GRID2: variants seen among roughly 807,000 people sequenced by gnomAD.
The protein encoded by GRID2 is glutamate receptor ionotropic, delta-2.
In GRID2, 33 loss-of-function variants were observed where a neutral mutation model predicts 114.8. That is an observed-to-expected ratio of 0.29 (90% CI 0.22 to 0.38). The LOEUF is 0.38. Among genes scored for constraint, GRID2 ranks in the 10% least tolerant of loss-of-function variants. The pLI is 1.00. For synonymous variants in GRID2, 505 were observed against 449.9 expected (o/e 1.12, Z -1.55); for missense variants, 1,184 against 1,257.7 (o/e 0.94, Z 0.89).
At chr4:92,441,927 G>C (rs1198001644) in intron 1 of GRID2, among the ~76,000 whole-genome samples, 5 of 151,950 alleles carry the variant, frequency 3.3e-5, no homozygotes, top group Non-Finnish European at 5.9e-5. Flanking sequence ...TTTAGTTAAA[G>C]TGTCTCAGCC....
Position 93,515,325 on chromosome 4 carries a change from A to G in GRID2, c.2107A>G (p.Ser703Gly), listed in dbSNP as rs774440874. The G allele has an allele frequency of 5.0e-6, 8 of 1,612,000 alleles. No homozygotes were observed. In the Admixed American group the frequency reaches 5.0e-5, roughly 10 times the overall value. ...MKGLNPFERD[S>G]MYSQMWRMIN... is the part of the protein sequence containing the mutation. ...AGGACTGAATCCTTTTGAGAGGGAC[A>G]GCATGTATTCCCAAATGTGGCGGAT... is the stretch of plus-strand genomic sequence containing the variant. Residue 703 changes from serine (S) to glycine (G), a missense_variant, in exon 13 of 16, where the codon AGC becomes GGC. By Grantham distance (56) the Ser-to-Gly change is moderately conservative. Transcript: ENST00000282020.
intron 4 of GRID2, among the ~76,000 whole-genome samples, chr4:93,118,942 C>A (rs940961194): frequency 6.6e-6 from 1 of 152,148 alleles, no homozygotes; most frequent in Admixed American, 6.5e-5. Flanking sequence ...GAAATATTAA[C>A]TTTAAAGTCA....
intron 2 of GRID2, among the ~76,000 whole-genome samples, chr4:92,762,989 G>A (rs889633734): frequency 6.6e-6 from 1 of 152,098 alleles, no homozygotes; most frequent in Non-Finnish European, 1.5e-5. Flanking sequence ...TTATTGAGGG[G>A]GTTGTGTTAT....
At chr4:92,537,227 G>A (rs1337908481) in intron 1 of GRID2, among the ~76,000 whole-genome samples, 2 of 152,086 alleles carry the variant, frequency 1.3e-5, no homozygotes, top group Non-Finnish European at 2.9e-5. Flanking sequence ...GGTTATGAAC[G>A]TGAAATCTTA....
chr4:92,491,484 T>C (rs1361578951), intron 1 of GRID2, among the ~76,000 whole-genome samples: 1 of 152,184 alleles, frequency 6.6e-6, no homozygotes, highest in East Asian at 1.9e-4. Flanking sequence ...TTGTTTAAAG[T>C]AACAAATTAA....
intron 1 of GRID2, among the ~76,000 whole-genome samples, chr4:92,358,205 G>C (rs368959407): frequency 7.9e-5 from 12 of 151,956 alleles, no homozygotes; most frequent in African/African-American, 2.9e-4. Flanking sequence ...TCAGATAAAG[G>C]CAAGAATGTG....
chr4:93,543,867 C>A (rs1052509290), intron 13 of GRID2, among the ~76,000 whole-genome samples: 1 of 152,118 alleles, frequency 6.6e-6, no homozygotes, highest in Non-Finnish European at 1.5e-5. Context: ...TTCTTATTAC[C>A]AAGAGAACAA....
intron 2 of GRID2, among the ~76,000 whole-genome samples, chr4:92,671,023 G>T (rs1733035322): frequency 6.6e-6 from 1 of 152,048 alleles, no homozygotes. Flanking sequence ...GTATTAGTCT[G>T]TTCTCACATT....
chr4:92,420,300 A>G (rs1731836910), intron 1 of GRID2, among the ~76,000 whole-genome samples: 1 of 152,168 alleles, frequency 6.6e-6, no homozygotes, highest in Non-Finnish European at 1.5e-5. Flanking sequence ...AAACTTTTAA[A>G]TAGTAAGTTT....
chr4:92,921,291 C>A (rs1749314586), intron 2 of GRID2, among the ~76,000 whole-genome samples: 1 of 151,960 alleles, frequency 6.6e-6, no homozygotes, highest in African/African-American at 2.4e-5. Flanking sequence ...ACCGTGGGTT[C>A]GAACTTCCTC....
intron 3 of GRID2, among the ~76,000 whole-genome samples, chr4:93,103,969 G>A (rs981120179): frequency 6.6e-6 from 1 of 150,854 alleles, no homozygotes; most frequent in East Asian, 2.0e-4. Flanking sequence ...AGTGTGTGTA[G>A]GTATGTTACA....
chr4:92,718,835 T>C (rs996070402), intron 2 of GRID2, among the ~76,000 whole-genome samples: 6 of 150,562 alleles, frequency 4.0e-5, no homozygotes, highest in Non-Finnish European at 8.9e-5. Context: ...AATCTTTTAC[T>C]CTCTTTATTA....
At chr4:92,785,514 C>T (rs2149361074) in intron 2 of GRID2, among the ~76,000 whole-genome samples, 1 of 151,602 alleles carries the variant, frequency 6.6e-6, no homozygotes, top group South Asian at 2.1e-4. Flanking sequence ...AGTCAGTATT[C>T]TAACCAAAAA....
intron 6 of GRID2, among the ~76,000 whole-genome samples, chr4:93,218,178 G>C (rs1361637308): frequency 3.9e-5 from 6 of 151,916 alleles, no homozygotes; most frequent in African/African-American, 1.5e-4. Context: ...ACTTTCTGTT[G>C]CCTACTAGAT....
Position 93,367,074 on chromosome 4 carries a change from A to C in GRID2, c.1246-28533A>C, listed in dbSNP as rs79294980. ...GTTGTAAGTATGGGATATGAAATAC[A>C]TAGATGAAATGTATGCTTTTGAATC... On this transcript the variant is annotated intron_variant, in intron 8 of 15. Coordinates refer to ENST00000282020, the MANE Select transcript of GRID2 (RefSeq NM_001510.4). Among the ~76,000 whole-genome samples, 1,395 of 152,184 alleles carry C rather than the reference A, an allele frequency of 9.2e-3. 13 individuals carry two copies. The highest frequency in any genetic ancestry group is 0.016 in the Non-Finnish European group (1,098 of 68,014).
intron 4 of GRID2, among the ~76,000 whole-genome samples, chr4:93,177,383 T>G (rs1211661454): frequency 3.9e-5 from 6 of 152,120 alleles, no homozygotes; most frequent in African/African-American, 1.4e-4. Context: ...AATCCTTTGA[T>G]CCTCAAAAAC....
In GRID2 at chr4:92,533,475, A is replaced by G. The variant is rs900961531; in HGVS notation, c.89-56656A>G. Among the ~76,000 whole-genome samples, 8 of 152,078 alleles carry G rather than the reference A, an allele frequency of 5.3e-5. No homozygotes were observed. The East Asian group carries it at 1.4e-3, about 26-fold the overall frequency. ...TACATACATACATACATACATACAT[A>G]CATACATACACACACAGGGTACCTT... On this transcript the variant is annotated intron_variant, in intron 1 of 15. Coordinates refer to ENST00000282020, the MANE Select transcript of GRID2 (RefSeq NM_001510.4).
intron 2 of GRID2, among the ~76,000 whole-genome samples, chr4:92,987,851 G>C (rs1754606902): frequency 1.3e-5 from 2 of 151,956 alleles, no homozygotes; most frequent in Admixed American, 1.3e-4. Context: ...TACCGAGAAT[G>C]GGAGTAATAA....
intron 2 of GRID2, among the ~76,000 whole-genome samples, chr4:93,076,401 G>C (rs529762208): frequency 1.1e-4 from 16 of 152,110 alleles, no homozygotes; most frequent in African/African-American, 3.9e-4. Flanking sequence ...GATGACATTG[G>C]AAGTTTTATG....
Sources: allele counts gnomAD v4.1 joint callset (sites outside exome capture counted in the v4.1 genomes callset), GRCh38; gene constraint gnomAD v4.1.1; transcripts MANE v1.5; gene names NCBI Gene and HGNC (gene_info 2026-07-23, HGNC 2026-07-21).